Variants in MIER3 observed in about 807,000 individuals in gnomAD.
MIER3 encodes the protein mesoderm induction early response protein 3.
A neutral mutation model predicts 63.2 loss-of-function variants in MIER3; 9 were observed. That is an observed-to-expected ratio of 0.14 (90% CI 0.09 to 0.25). The LOEUF is 0.25. MIER3 is among the 10% of genes least tolerant of loss of function. The pLI is 1.00. For missense variants in MIER3, 512 were observed against 666.2 expected (o/e 0.77, Z 2.55); for synonymous variants, 205 against 224.9 (o/e 0.91, Z 0.79).
chr5:56,922,881 C>A lies in MIER3; in HGVS notation c.*247G>T. 1 of 471,938 alleles carries A rather than the reference C, an allele frequency of 2.1e-6. No individual in the cohort carries two copies. Among genetic ancestry groups the A allele is most frequent in the Non-Finnish European group, 3.8e-6 (1 of 260,042 alleles). The allele number at this position is 471,938 out of a possible 1,614,324, so 29.2% of individuals were successfully genotyped here. ...TATTGGGAGATGAGGAAGAGAGAAG[C>A]AGAGCTTAAAGCTGCACCACAGAGT... On this transcript the variant is annotated 3_prime_UTR_variant, in exon 13 of 13. Transcript: ENST00000381199.
At chr5:56,945,250 G>A (rs1750789124) in intron 3 of MIER3, among the ~76,000 whole-genome samples, 1 of 152,026 alleles carries the variant, frequency 6.6e-6, no homozygotes, top group Non-Finnish European at 1.5e-5. Context: ...ACTGCCTGAG[G>A]TCAGGAGTTC....
chr5:56,950,530 C>A, intron 2 of MIER3, 98 bp downstream of exon 2: 1 of 1,287,434 alleles, frequency 7.8e-7, no homozygotes, highest in Non-Finnish European at 1.1e-6. Context: ...GAAGAAAAAC[C>A]TGCAGGATAC....
intron 7 of MIER3, 147 bp from the exon 8 acceptor site, chr5:56,933,545 A>C (rs1451375414): frequency 1.3e-5 from 9 of 716,308 alleles, no homozygotes; most frequent in Non-Finnish European, 1.9e-5. Flanking sequence ...TCCGTTAAGT[A>C]GGGCCTTTCA....
At chr5:56,952,134 G>T, upstream of MIER3, 1 of 1,239,566 alleles carries the variant, frequency 8.1e-7, no homozygotes, top group East Asian at 3.9e-5. Flanking sequence ...GAGCAGCGCC[G>T]AGCCCAGTCC....
intron 7 of MIER3, among the ~76,000 whole-genome samples, chr5:56,934,153 G>C (rs1302324889): frequency 6.6e-6 from 1 of 152,046 alleles, no homozygotes. Context: ...TTCTTCAAGT[G>C]CATAATAAAT....
intron 4 of MIER3, chr5:56,938,339 C>T (rs1469387173): frequency 6.4e-6 from 3 of 471,192 alleles, no homozygotes; most frequent in South Asian, 1.5e-5. Flanking sequence ...TGCCTGAGAT[C>T]TGAAAGGCAA....
intron 3 of MIER3, among the ~76,000 whole-genome samples, chr5:56,941,785 G>C (rs980702167): frequency 2.0e-5 from 3 of 152,084 alleles, no homozygotes; most frequent in African/African-American, 7.2e-5. Context: ...AGGGTGGAGA[G>C]ATACAAGAGA....
intron 1 of MIER3, among the ~76,000 whole-genome samples, chr5:56,950,880 C>T (rs370234642): frequency 1.4e-3 from 212 of 152,242 alleles, no homozygotes; most frequent in Middle Eastern, 3.4e-3. Flanking sequence ...GGGACGAAGC[C>T]CGGAGTCTGA....
At chr5:56,924,174 A>G (rs1449747418) in intron 10 of MIER3, 132 bp from the exon 11 acceptor site, 1 of 860,172 alleles carries the variant, frequency 1.2e-6, no homozygotes, top group South Asian at 2.1e-5. Flanking sequence ...AACACTTTTA[A>G]TAAATTATAA....
intron 3 of MIER3, among the ~76,000 whole-genome samples, chr5:56,946,250 A>T (rs1456785070): frequency 6.6e-6 from 1 of 152,230 alleles, no homozygotes; most frequent in Non-Finnish European, 1.5e-5. Context: ...GGCTGATAAG[A>T]AATTTTCAAA....
At chr5:56,932,165 CAGA>C (rs986198834) in intron 8 of MIER3, among the ~76,000 whole-genome samples, 3 of 152,074 alleles carry the variant, frequency 2.0e-5, no homozygotes, top group African/African-American at 7.2e-5. Flanking sequence ...GAGGCTGAGG[CAGA>C]AGAAGTGCTT....
rs143983454 is a variant in MIER3 at position 56,942,621 on chromosome 5, C to T, written c.181-3604G>A. On this transcript the variant is annotated intron_variant, in intron 3 of 12. Transcript: ENST00000381199. ...CCCAGAAAAGGCACACAGAGTGAGA[C>T]GATAATAGCCAAAACCCTGGAGAAT... Among the ~76,000 whole-genome samples the T allele has an allele frequency of 5.1e-4, 78 of 151,732 alleles. 1 individual carries two copies. The South Asian group carries it at 0.011, about 22-fold the overall frequency.
At chr5:56,952,171 A>C, upstream of MIER3, 1 of 1,141,306 alleles carries the variant, frequency 8.8e-7, no homozygotes, top group Non-Finnish European at 1.1e-6. Flanking sequence ...AGCCAATCGC[A>C]GCCGCCGCCG....
Position 56,921,036 on chromosome 5 carries a change from T to C in MIER3, c.*2092A>G, listed in dbSNP as rs1240663001. On this transcript the variant is annotated 3_prime_UTR_variant, in exon 13 of 13. Transcript: ENST00000381199. ...TTCAACTTGCTGATAATCAAAACTT[T>C]AGATAAGAAACACTGTTTCCATCTT... The C allele has an allele frequency of 6.6e-6, 1 of 152,544 alleles. No individual in the cohort carries two copies. Among genetic ancestry groups the C allele is most frequent in the East Asian group, 1.9e-4 (1 of 5,202 alleles). 9.4% of individuals were successfully genotyped at this position (152,544 alleles called of 1,614,324 possible).
Position 56,938,898 on chromosome 5 carries a change from G to A in MIER3, c.300C>T (p.Asp100=). 1 of 1,613,958 alleles carries A rather than the reference G, an allele frequency of 6.2e-7. No homozygotes were observed. The highest frequency in any genetic ancestry group is 8.5e-7 in the Non-Finnish European group (1 of 1,179,876). ...TCACACTTACTTTGTCTAGTGTCAT[G>A]TCTGGTAGTTCATCTGCCAGTTCAC... The part of the protein sequence containing the change: ...SPSELADELP[D]MTLDKEEIAK... Residue 100 remains aspartate (D), a synonymous_variant, in exon 4 of 13, where the codon GAC becomes GAT. Coordinates refer to ENST00000381199, the MANE Select transcript of MIER3 (RefSeq NM_001297599.2).
intron 3 of MIER3, among the ~76,000 whole-genome samples, chr5:56,945,605 T>C (rs369739977): frequency 6.6e-6 from 1 of 152,244 alleles, no homozygotes; most frequent in Non-Finnish European, 1.5e-5. Flanking sequence ...ACATATTCTA[T>C]ACTCAAAGTG....
intron 10 of MIER3, among the ~76,000 whole-genome samples, chr5:56,925,952 G>A (rs577323762): frequency 2.0e-5 from 3 of 152,156 alleles, no homozygotes; most frequent in African/African-American, 7.2e-5. Flanking sequence ...CACGGGTACA[G>A]TCAACTGATC....
At chr5:56,929,099 T>G (rs552052371) in intron 9 of MIER3, 2 of 354,652 alleles carry the variant, frequency 5.6e-6, no homozygotes, top group African/African-American at 4.2e-5. Context: ...TACAAAAATA[T>G]AAACACTGCT....
chr5:56,944,919 A>ACT, intron 3 of MIER3, among the ~76,000 whole-genome samples: 1 of 132,878 alleles, frequency 7.5e-6, no homozygotes, highest in South Asian at 2.5e-4. Context: ...CTGGTCTCAG[A>ACT]CTCCTGGGCT....
Sources: gnomAD v4.1 joint callset for allele counts (sites outside exome capture counted in the v4.1 genomes callset) on GRCh38, gnomAD v4.1.1 for gene constraint, MANE v1.5 for transcripts, NCBI Gene and HGNC (gene_info 2026-07-23, HGNC 2026-07-21) for gene names.